SUCLG2: variants seen among roughly 807,000 people sequenced by gnomAD.
The protein encoded by SUCLG2 is succinate--CoA ligase [GDP-forming] subunit beta, mitochondrial.
In SUCLG2, 42 loss-of-function variants were observed where a neutral mutation model predicts 47.9. The ratio of observed to expected loss-of-function variants is 0.88; its 90% CI spans 0.69 to 1.14. The LOEUF is 1.14. Among genes scored for constraint, SUCLG2 ranks in the 50% most tolerant of loss-of-function variants. SUCLG2 has a pLI of 0.00. For missense variants in SUCLG2, 571 were observed against 525.9 expected (o/e 1.09, Z -0.84); for synonymous variants, 195 against 197.3 (o/e 0.99, Z 0.10).
At chr3:67,440,721 G>A (rs1054796214) in intron 9 of SUCLG2, among the ~76,000 whole-genome samples, 2 of 152,160 alleles carry the variant, frequency 1.3e-5, no homozygotes, top group African/African-American at 2.4e-5. Context: ...TAAAAAGTCA[G>A]GAAACAACAG....
downstream of SUCLG2, among the ~76,000 whole-genome samples, chr3:67,373,318 T>C (rs886715578): frequency 4.6e-5 from 7 of 152,098 alleles, no homozygotes; most frequent in African/African-American, 1.4e-4. Flanking sequence ...AAATAAAATG[T>C]AGAAGAATTG....
At chr3:67,525,325 T>A (rs1706227253) in intron 4 of SUCLG2, among the ~76,000 whole-genome samples, 1 of 152,148 alleles carries the variant, frequency 6.6e-6, no homozygotes, top group African/African-American at 2.4e-5. Context: ...GTAAAACTGT[T>A]TTGGAAAAGA....
intron 1 of SUCLG2, among the ~76,000 whole-genome samples, chr3:67,654,298 C>G (rs538979637): frequency 6.6e-6 from 1 of 152,294 alleles, no homozygotes; most frequent in East Asian, 1.9e-4. Flanking sequence ...CCGAGGCACC[C>G]GGGGCTGCCG....
At chr3:67,528,631 C>T (rs1706317516) in intron 3 of SUCLG2, among the ~76,000 whole-genome samples, 1 of 152,060 alleles carries the variant, frequency 6.6e-6, no homozygotes, top group Non-Finnish European at 1.5e-5. Context: ...GTGACAGGAA[C>T]AGGGAGGAGA....
At position 67,567,912 on chromosome 3, in the gene SUCLG2, C is replaced by G. The variant is rs114171553; in HGVS notation, c.227-38726G>C. Among the ~76,000 whole-genome samples the G allele has an allele frequency of 7.5e-3, 1,145 of 152,228 alleles. 12 individuals are homozygous for G. Among genetic ancestry groups the G allele is most frequent in the East Asian group, 0.036 (187 of 5,182 alleles). On this transcript the variant is annotated intron_variant, in intron 2 of 10. Transcript: ENST00000307227. ...AATTGTACTTGACTCTAAAAACAGA[C>G]AGAGAGGGAGAAAAGATGATGATGA...
intron 1 of SUCLG2, among the ~76,000 whole-genome samples, chr3:67,636,138 C>T (rs1323714465): frequency 6.6e-6 from 1 of 152,102 alleles, no homozygotes; most frequent in Non-Finnish European, 1.5e-5. Flanking sequence ...AAAGAGTCTT[C>T]ACCTTAGGAG....
intron 9 of SUCLG2, among the ~76,000 whole-genome samples, chr3:67,488,564 A>C (rs1359768903): frequency 6.6e-6 from 1 of 152,202 alleles, no homozygotes; most frequent in Non-Finnish European, 1.5e-5. Flanking sequence ...CTTTATCTGA[A>C]TTTTAAAGTA....
intron 1 of SUCLG2, among the ~76,000 whole-genome samples, chr3:67,625,116 T>C (rs537599673): frequency 1.3e-5 from 2 of 152,330 alleles, no homozygotes; most frequent in South Asian, 4.1e-4. Context: ...ATGATATTGC[T>C]ACAAGCTAAC....
At chr3:67,478,819 G>C (rs776982248) in intron 9 of SUCLG2, among the ~76,000 whole-genome samples, 6 of 152,188 alleles carry the variant, frequency 3.9e-5, no homozygotes, top group African/African-American at 1.4e-4. Flanking sequence ...TCGGGTCAGC[G>C]TCTCACCATA....
intron 9 of SUCLG2, among the ~76,000 whole-genome samples, chr3:67,489,944 T>C (rs1432471135): frequency 6.6e-6 from 1 of 152,230 alleles, no homozygotes; most frequent in Non-Finnish European, 1.5e-5. Flanking sequence ...ATCTAACTTA[T>C]GGTTACATAA....
At chr3:67,392,826 T>C (rs1481519415) in intron 10 of SUCLG2, among the ~76,000 whole-genome samples, 2 of 151,984 alleles carry the variant, frequency 1.3e-5, no homozygotes, top group African/African-American at 4.8e-5. Context: ...ACTGTACTTT[T>C]TTTTTTGAGA....
chr3:67,375,428 T>A lies in SUCLG2; in HGVS notation c.*316A>T. ...TCTTGTAAATGAAGCAGGACTTGAT[T>A]TCAAATTCTGTCTATACACACAATA... On this transcript the variant is annotated 3_prime_UTR_variant, in exon 11 of 11. Coordinates refer to ENST00000307227, the MANE Select transcript of SUCLG2 (RefSeq NM_003848.4). The A allele has an allele frequency of 9.8e-7, 1 of 1,017,476 alleles. No homozygotes were observed. The highest frequency in any genetic ancestry group is 1.2e-6 in the Non-Finnish European group (1 of 851,384). The allele number at this position is 1,017,476 out of a possible 1,614,324, so 63.0% of individuals were successfully genotyped here. A position where few individuals can be genotyped will look rare whatever the true frequency, so the allele number is the denominator to read the frequency against.
chr3:67,424,842 A>G (rs1575686309), intron 9 of SUCLG2, among the ~76,000 whole-genome samples: 1 of 152,042 alleles, frequency 6.6e-6, no homozygotes. Flanking sequence ...ATTTGGCCCC[A>G]TTTTATCTGG....
chr3:67,550,905 G>T (rs1166754045), intron 2 of SUCLG2, among the ~76,000 whole-genome samples: 1 of 151,734 alleles, frequency 6.6e-6, no homozygotes, highest in African/African-American at 2.4e-5. Flanking sequence ...TAAACGGGGG[G>T]TGGGGGCAGG....
chr3:67,624,341 A>G (rs879437420), intron 1 of SUCLG2, among the ~76,000 whole-genome samples: 3 of 152,240 alleles, frequency 2.0e-5, no homozygotes, highest in Non-Finnish European at 4.4e-5. Flanking sequence ...GCAGAATGAT[A>G]ATTGGTGTCT....
intron 1 of SUCLG2, among the ~76,000 whole-genome samples, chr3:67,630,454 TA>T (rs1700905660): frequency 1.5e-5 from 2 of 132,858 alleles, no homozygotes; most frequent in African/African-American, 5.7e-5. Context: ...TATAAGCATT[TA>T]GTAAGTACTT....
intron 2 of SUCLG2, among the ~76,000 whole-genome samples, chr3:67,535,984 C>T (rs893190997): frequency 1.3e-5 from 2 of 152,176 alleles, no homozygotes; most frequent in South Asian, 2.1e-4. Context: ...ACAAGTGTTG[C>T]GGGTTGAAAA....
chr3:67,603,806 C>T (rs900486014), intron 2 of SUCLG2, among the ~76,000 whole-genome samples: 1 of 152,178 alleles, frequency 6.6e-6, no homozygotes, highest in Admixed American at 6.5e-5. Flanking sequence ...ATGAGAGACA[C>T]AATCCTTCAC....
intron 1 of SUCLG2, among the ~76,000 whole-genome samples, chr3:67,651,416 A>G (rs565829304): frequency 1.3e-5 from 2 of 152,294 alleles, no homozygotes; most frequent in African/African-American, 4.8e-5. Context: ...TCTTCCCCTT[A>G]GTCTCACCTA....
Sources: allele counts gnomAD v4.1 joint callset (sites outside exome capture counted in the v4.1 genomes callset), GRCh38; gene constraint gnomAD v4.1.1; transcripts MANE v1.5; gene names NCBI Gene and HGNC (gene_info 2026-07-23, HGNC 2026-07-21).